The following SLFN12L variants were observed in gnomAD, a reference collection of about 807,000 sequenced individuals.
SLFN12L encodes schlafen family member 12 like.
Under a neutral mutation model 34.8 loss-of-function variants are expected in SLFN12L, and 34 were observed. The observed-to-expected ratio is 0.98, with a 90% CI of 0.74 to 1.30. SLFN12L has a LOEUF of 1.30. Ranked by LOEUF, SLFN12L falls within the 50% of genes most tolerant of loss-of-function variation. The probability of loss-of-function intolerance (pLI) is 0.00; values close to 1 mark genes in which losing one functional copy is unlikely to be tolerated. For synonymous variants in SLFN12L, 259 were observed against 247.5 expected (o/e 1.05, Z -0.44); for missense variants, 703 against 696.2 (o/e 1.01, Z -0.11).
At chr17:35,526,338 C>T (rs2072334985) in intron 1 of SLFN12L, among the ~76,000 whole-genome samples, 1 of 152,194 alleles carries the variant, frequency 6.6e-6, no homozygotes. Flanking sequence ...GACTTCAACT[C>T]CGCTCTGAAC....
intron 2 of SLFN12L, among the ~76,000 whole-genome samples, chr17:35,493,244 G>T (rs1449419730): frequency 6.6e-6 from 1 of 152,198 alleles, no homozygotes; most frequent in African/African-American, 2.4e-5. Context: ...GCATTGGGGT[G>T]GGGGAGGGAG....
In SLFN12L at chr17:35,530,362, AAAGG is replaced by A. The variant is rs1216705890; in HGVS notation, c.-606+7207_-606+7210del. Among the ~76,000 whole-genome samples, 405 of 85,008 alleles carry A rather than the reference AAAGG, an allele frequency of 4.8e-3. 34 individuals carry two copies. The highest frequency in any genetic ancestry group is 0.019 in the Middle Eastern group (4 of 214). 55.8% of individuals were successfully genotyped at this position (85,008 alleles called of 152,430 possible). A position where few individuals can be genotyped will look rare whatever the true frequency, so the allele number is the denominator to read the frequency against. On this transcript the variant is annotated intron_variant, in intron 1 of 4. Coordinates refer to ENST00000628453, the MANE Select transcript of SLFN12L (RefSeq NM_001363830.2). Reference sequence around the variant, plus strand: ...CTCTGTCAGAAAAAAAAAGAGAAAGAAAGGAAGGAAGGAAGGAAGGAAGGAAGGA... The same window carrying A: ...CTCTGTCAGAAAAAAAAAGAGAAAGAAAGGAAGGAAGGAAGGAAGGAAGGA...
chr17:35,498,087 G>T, intron 2 of SLFN12L: 1 of 534,100 alleles, frequency 1.9e-6, no homozygotes, highest in East Asian at 3.1e-5. Flanking sequence ...GGGCGGCGGG[G>T]CGCGGGGCTC....
intron 2 of SLFN12L, among the ~76,000 whole-genome samples, chr17:35,495,129 G>A (rs1915000859): frequency 6.6e-6 from 1 of 152,064 alleles, no homozygotes; most frequent in South Asian, 2.1e-4. Context: ...CAAACTCCTA[G>A]GCTCATGCAA....
At chr17:35,503,548 T>C (rs1915370587) in intron 2 of SLFN12L, among the ~76,000 whole-genome samples, 1 of 152,140 alleles carries the variant, frequency 6.6e-6, no homozygotes, top group Admixed American at 6.5e-5. Context: ...TATAAAATAG[T>C]GTTTGGCTTC....
In SLFN12L at chr17:35,471,976, G is replaced by T. The variant is rs774045441; in HGVS notation, c.*2947C>A. Reference sequence around the variant, plus strand: ...TGGGTATTAGACCTTTGTCAGATGGGTAGATTGCAAAAATTTTCTCCCATT... The same window carrying T: ...TGGGTATTAGACCTTTGTCAGATGGTTAGATTGCAAAAATTTTCTCCCATT... On this transcript the variant is annotated 3_prime_UTR_variant, in exon 5 of 5. Coordinates refer to ENST00000628453, the MANE Select transcript of SLFN12L (RefSeq NM_001363830.2). Among the ~76,000 whole-genome samples the T allele has an allele frequency of 6.6e-6, 1 of 152,068 alleles. No homozygotes were observed. The highest frequency in any genetic ancestry group is 1.5e-5 in the Non-Finnish European group (1 of 68,022).
chr17:35,531,178 A>T (rs1221778190), intron 1 of SLFN12L, among the ~76,000 whole-genome samples: 1 of 152,220 alleles, frequency 6.6e-6, no homozygotes, highest in Non-Finnish European at 1.5e-5. Context: ...AATTAACAAG[A>T]TTAAAAGTTT....
intron 2 of SLFN12L, chr17:35,515,270 G>T: frequency 4.8e-6 from 2 of 413,852 alleles, no homozygotes; most frequent in South Asian, 2.1e-5. Flanking sequence ...ACAGGGAGCC[G>T]CTCAGACCCG....
rs753219768 is a variant in SLFN12L at position 35,522,411 on chromosome 17, A to G, written c.-47T>C. 1 of 1,614,164 alleles carries G rather than the reference A, an allele frequency of 6.2e-7. No individual in the cohort carries two copies. Among genetic ancestry groups the G allele is most frequent in the East Asian group, 2.2e-5 (1 of 44,866 alleles). On this transcript the variant is annotated 5_prime_UTR_variant, in exon 2 of 5. Transcript: ENST00000628453. ...CTTTCCTAAGCCAGGTAAGCCATGG[A>G]CAAACAATTCTCTGTTCTTGTGGAA...
In SLFN12L at chr17:35,472,906, T is replaced by A. The variant is rs1197062837; in HGVS notation, c.*2017A>T. Among the ~76,000 whole-genome samples the A allele has an allele frequency of 6.6e-6, 1 of 152,226 alleles. No homozygotes were observed. The highest frequency in any genetic ancestry group is 1.5e-5 in the Non-Finnish European group (1 of 68,046). ...GTATTTCTAGGTATTTTATTCTCTT[T>A]TTAGCGATTGTGAATGTGAGTTCAC... On this transcript the variant is annotated 3_prime_UTR_variant, in exon 5 of 5. Transcript: ENST00000628453.
chr17:35,494,763 G>A (rs988332588), intron 2 of SLFN12L, among the ~76,000 whole-genome samples: 1 of 152,158 alleles, frequency 6.6e-6, no homozygotes, highest in Non-Finnish European at 1.5e-5. Context: ...GACTGGTTCA[G>A]GGCCAGGACT....
At position 35,475,174 on chromosome 17, in the gene SLFN12L, A is replaced by G. The variant is rs1913930956; in HGVS notation, c.1588T>C (p.Tyr530His). The G allele has an allele frequency of 6.2e-7, 1 of 1,614,078 alleles. No individual in the cohort carries two copies. Among genetic ancestry groups the G allele is most frequent in the Non-Finnish European group, 8.5e-7 (1 of 1,180,044 alleles). Residue 530 changes from tyrosine to histidine, a missense_variant, in exon 5 of 5, where the codon TAC becomes CAC. Tyr to His is a moderately conservative substitution (Grantham distance 83). Coordinates refer to ENST00000628453, the MANE Select transcript of SLFN12L (RefSeq NM_001363830.2). ...LKQKLAKIGGYTKKVCVMTKI... is the reference protein window; with the variant it reads ...LKQKLAKIGGHTKKVCVMTKI... ...GTCATGACACACACTTTTTTAGTGT[A>G]ACCACCAATTTTTGCCAGCTTCTGT...
intron 2 of SLFN12L, among the ~76,000 whole-genome samples, chr17:35,495,097 GCTATGTT>G (rs1914999349): frequency 6.6e-6 from 1 of 151,926 alleles, no homozygotes; most frequent in Non-Finnish European, 1.5e-5. Flanking sequence ...AGGGGGTTTT[GCTATGTT>G]GCCCAGGTTG....
intron 1 of SLFN12L, among the ~76,000 whole-genome samples, chr17:35,525,406 G>A (rs1222543156): frequency 1.3e-5 from 2 of 152,068 alleles, no homozygotes; most frequent in Non-Finnish European, 2.9e-5. Flanking sequence ...ACACATAATC[G>A]TCAGATTCAC....
intron 2 of SLFN12L, chr17:35,490,188 T>C: frequency 4.4e-6 from 7 of 1,603,490 alleles, no homozygotes; most frequent in Non-Finnish European, 6.0e-6. Context: ...CCACCAGCGC[T>C]GGGACGAGGC....
chr17:35,504,506 A>G (rs987848175), intron 2 of SLFN12L, among the ~76,000 whole-genome samples: 1 of 152,240 alleles, frequency 6.6e-6, no homozygotes, highest in Non-Finnish European at 1.5e-5. Context: ...CATAAAACAA[A>G]AGCAATTGTT....
intron 2 of SLFN12L, among the ~76,000 whole-genome samples, chr17:35,497,092 T>C (rs1915109848): frequency 6.6e-6 from 1 of 152,052 alleles, no homozygotes; most frequent in Non-Finnish European, 1.5e-5. Context: ...CTCCTGTCTC[T>C]ACAAAAAACA....
chr17:35,514,363 C>T (rs1915747210), intron 2 of SLFN12L, among the ~76,000 whole-genome samples: 2 of 152,226 alleles, frequency 1.3e-5, no homozygotes. Context: ...GATCAAGTCT[C>T]TATCAAATTT....
chr17:35,486,510 G>A (rs1914587557), intron 2 of SLFN12L, among the ~76,000 whole-genome samples: 1 of 152,092 alleles, frequency 6.6e-6, no homozygotes, highest in African/African-American at 2.4e-5. Context: ...GGCCACCCGA[G>A]TCCAACACCT....
Sources: gnomAD v4.1 joint callset for allele counts (sites outside exome capture counted in the v4.1 genomes callset) on GRCh38, gnomAD v4.1.1 for gene constraint, MANE v1.5 for transcripts, NCBI Gene and HGNC (gene_info 2026-07-23, HGNC 2026-07-21) for gene names.